The following SMOC2 variants were observed in gnomAD, a reference collection of about 807,000 sequenced individuals.
The protein encoded by SMOC2 is SPARC-related modular calcium-binding protein 2.
A neutral mutation model predicts 61.4 loss-of-function variants in SMOC2; 39 were observed. That is an observed-to-expected ratio of 0.64 (90% CI 0.49 to 0.83). SMOC2 has a LOEUF of 0.83. Ranked by LOEUF, SMOC2 falls within the 40% of genes least tolerant of loss-of-function variation. The pLI is 0.00. For synonymous variants in SMOC2, 247 were observed against 239.9 expected, an observed-to-expected ratio of 1.03 and a Z score of -0.27; for missense variants, 556 against 592.9, an observed-to-expected ratio of 0.94 and a Z score of 0.65.
intron 4 of SMOC2, among the ~76,000 whole-genome samples, chr6:168,540,822 G>A (rs186962472): frequency 6.6e-5 from 10 of 152,194 alleles, no homozygotes; most frequent in African/African-American, 2.2e-4. Flanking sequence ...TGAAGTTCTC[G>A]GAAGGGGTGA....
chr6:168,524,062 G>A (rs1355676768), intron 2 of SMOC2, among the ~76,000 whole-genome samples: 1 of 152,042 alleles, frequency 6.6e-6, no homozygotes, highest in Non-Finnish European at 1.5e-5. Flanking sequence ...AGCATATAAT[G>A]GCTTAGAGTG....
At chr6:168,577,806 G>C (rs867570759) in intron 7 of SMOC2, among the ~76,000 whole-genome samples, 10 of 152,182 alleles carry the variant, frequency 6.6e-5, no homozygotes, top group Middle Eastern at 3.2e-3. Context: ...CAACGCATGG[G>C]GCCTGGAGGT....
At chr6:168,660,776 G>T (rs1583195962) in intron 11 of SMOC2, among the ~76,000 whole-genome samples, 1 of 152,358 alleles carries the variant, frequency 6.6e-6, no homozygotes, top group South Asian at 2.1e-4. Flanking sequence ...CCGCAGTGTG[G>T]GGCAGGGAAG....
At chr6:168,606,540 C>G (rs1785697720) in intron 8 of SMOC2, among the ~76,000 whole-genome samples, 1 of 152,052 alleles carries the variant, frequency 6.6e-6, no homozygotes, top group African/African-American at 2.4e-5. Flanking sequence ...TGTTAGAACA[C>G]TTTAAATATG....
chr6:168,501,375 C>T (rs917487695), intron 1 of SMOC2, among the ~76,000 whole-genome samples: 5 of 152,064 alleles, frequency 3.3e-5, no homozygotes, highest in Non-Finnish European at 5.9e-5. Context: ...AAGAGAGTTG[C>T]AGAGCAAAAA....
chr6:168,442,755 A>G (rs1278453816), intron 1 of SMOC2, among the ~76,000 whole-genome samples: 2 of 152,002 alleles, frequency 1.3e-5, no homozygotes, highest in African/African-American at 4.8e-5. Flanking sequence ...GCGTTTTAGC[A>G]GTGTGAAGGA....
intron 6 of SMOC2, among the ~76,000 whole-genome samples, chr6:168,548,515 C>T (rs1784059039): frequency 1.0e-5 from 1 of 100,358 alleles, no homozygotes; most frequent in Admixed American, 1.2e-4. Context: ...TTGCCACCAC[C>T]CCTGGCTATT....
intron 3 of SMOC2, 94 bp downstream of exon 3, chr6:168,526,546 C>A: frequency 2.1e-6 from 2 of 943,820 alleles, no homozygotes; most frequent in Non-Finnish European, 3.4e-6. Context: ...GGGAGCCGAA[C>A]AGAAGAAGCA....
intron 7 of SMOC2, among the ~76,000 whole-genome samples, chr6:168,581,772 C>T (rs9456218): frequency 0.23 from 34,994 of 152,046 alleles, 4,135 homozygotes; most frequent in Middle Eastern, 0.32. Flanking sequence ...CTGCCTGGGA[C>T]CCCGCTGCCT....
At chr6:168,656,356 T>C (rs1787321822) in intron 11 of SMOC2, among the ~76,000 whole-genome samples, 1 of 151,424 alleles carries the variant, frequency 6.6e-6, no homozygotes, top group Non-Finnish European at 1.5e-5. Context: ...ACTAAAAATA[T>C]AAAAATTAGC....
rs142404435 is a variant in SMOC2 at position 168,540,529 on chromosome 6, G to A, written c.464-3096G>A. Among the ~76,000 whole-genome samples the A allele has an allele frequency of 3.7e-4, 56 of 152,298 alleles. 1 individual carries two copies. In the East Asian group the frequency reaches 0.011, roughly 29 times the overall value. On this transcript the variant is annotated intron_variant, in intron 4 of 12. Coordinates refer to ENST00000356284, the MANE Select transcript of SMOC2 (RefSeq NM_001166412.2). ...CCAGAGATGAAGAAACAGAGGTTTC[G>A]AGTGGTGAAGGTGCCTGGCCAGGGG...
In SMOC2 at chr6:168,666,819, T is replaced by C. The variant is rs1462388420; in HGVS notation, c.*381T>C. Reference sequence around the variant, plus strand: ...CTTCCAGATGCCTGTGCTTACAGCATTGTGGAATCATGTTGGAAGCTCCAC... The same window carrying C: ...CTTCCAGATGCCTGTGCTTACAGCACTGTGGAATCATGTTGGAAGCTCCAC... On this transcript the variant is annotated 3_prime_UTR_variant, in exon 13 of 13. Coordinates refer to ENST00000356284, the MANE Select transcript of SMOC2 (RefSeq NM_001166412.2). 1 of 189,936 alleles carries C rather than the reference T, an allele frequency of 5.3e-6. No homozygotes were observed. Among genetic ancestry groups the C allele is most frequent in the African/African-American group, 2.3e-5 (1 of 42,990 alleles). 11.8% of individuals were successfully genotyped at this position (189,936 alleles called of 1,614,324 possible). A position where few individuals can be genotyped will look rare whatever the true frequency, so the allele number is the denominator to read the frequency against.
In SMOC2 at chr6:168,505,438, A is replaced by G. The variant is rs1782850583; in HGVS notation, c.85-4477A>G. ...ATGTCCATCTCTCAGATGCTGGATG[A>G]ATGACTGAATGAAATGTCCATCTCT... On this transcript the variant is annotated intron_variant, in intron 1 of 12. Transcript: ENST00000356284. 5.3e-5 allele frequency among the ~76,000 whole-genome samples: 8 copies of G among 151,674 alleles called. No homozygotes were observed. In the South Asian group the frequency reaches 1.7e-3, roughly 32 times the overall value.
At chr6:168,457,974 C>T (rs955866398) in intron 1 of SMOC2, among the ~76,000 whole-genome samples, 4 of 152,178 alleles carry the variant, frequency 2.6e-5, no homozygotes, top group Non-Finnish European at 1.5e-5. Flanking sequence ...TCCCACCTGC[C>T]ACAAAGATTG....
chr6:168,661,049 A>G (rs569594385), intron 11 of SMOC2, among the ~76,000 whole-genome samples: 1 of 152,338 alleles, frequency 6.6e-6, no homozygotes, highest in South Asian at 2.1e-4. Flanking sequence ...GTCATGGTCA[A>G]AAATGAACAT....
chr6:168,577,092 T>C (rs1784821357), intron 7 of SMOC2, among the ~76,000 whole-genome samples: 1 of 152,170 alleles, frequency 6.6e-6, no homozygotes, highest in Non-Finnish European at 1.5e-5. Context: ...AAAACCAAAG[T>C]TCCACCAGGA....
chr6:168,633,124 C>A (rs778331412), intron 9 of SMOC2, among the ~76,000 whole-genome samples: 2 of 152,210 alleles, frequency 1.3e-5, no homozygotes, highest in Non-Finnish European at 2.9e-5. Context: ...TCATTTTCCT[C>A]CTCTGTGTCT....
chr6:168,664,497 C>A, intron 12 of SMOC2: 1 of 399,670 alleles, frequency 2.5e-6, no homozygotes, highest in Admixed American at 3.6e-5. Flanking sequence ...TACAGGCATG[C>A]GCCACCGTAC....
At chr6:168,575,353 A>G (rs532973874) in intron 7 of SMOC2, among the ~76,000 whole-genome samples, 3 of 152,302 alleles carry the variant, frequency 2.0e-5, no homozygotes, top group South Asian at 2.1e-4. Flanking sequence ...TCTAAGCCCT[A>G]TAAGGATAAA....
Sources: allele counts gnomAD v4.1 joint callset (sites outside exome capture counted in the v4.1 genomes callset), GRCh38; gene constraint gnomAD v4.1.1; transcripts MANE v1.5; gene names NCBI Gene and HGNC (gene_info 2026-07-23, HGNC 2026-07-21).